The following INTS8 variants were observed in gnomAD, a reference collection of about 807,000 sequenced individuals.
INTS8 encodes integrator complex subunit 8, also known as protein kaonashi-1.
Under a neutral mutation model 138.9 loss-of-function variants are expected in INTS8, and 47 were observed. The ratio of observed to expected loss-of-function variants is 0.34; its 90% CI spans 0.27 to 0.43. INTS8 has a LOEUF of 0.43. Ranked by LOEUF, INTS8 falls within the 20% of genes least tolerant of loss-of-function variation. The pLI is 1.00. For missense variants in INTS8, 996 were observed against 1,173.0 expected, an observed-to-expected ratio of 0.85 and a Z score of 2.20; for synonymous variants, 392 against 400.9, an observed-to-expected ratio of 0.98 and a Z score of 0.27.
chr8:94,851,711 A>G, intron 13 of INTS8, 25 bp downstream of exon 13: 2 of 1,547,992 alleles, frequency 1.3e-6, no homozygotes, highest in Non-Finnish European at 8.6e-7. Flanking sequence ...AAGAACAGAT[A>G]AGAAAATTGC....
At position 94,856,867 on chromosome 8, in the gene INTS8, A is replaced by G. The variant is rs1457929190; in HGVS notation, c.1843A>G (p.Met615Val). 3 of 1,614,090 alleles carry G rather than the reference A, an allele frequency of 1.9e-6. No individual in the cohort carries two copies. Among genetic ancestry groups the G allele is most frequent in the African/African-American group, 1.3e-5 (1 of 75,002 alleles). ...PKLRQVMLNE[M>V]LLLDIHTHEA... ...GCTTCGTCAGGTCATGCTGAATGAG[A>G]TGTTGCTTTTGGATATTCATACACA... The change falls in exon 15 of 27, where the codon ATG becomes GTG. Residue 615 changes from methionine to valine, a missense_variant. Met to Val is a conservative substitution (Grantham distance 21, BLOSUM62 1). Coordinates refer to ENST00000523731, the MANE Select transcript of INTS8 (RefSeq NM_017864.4).
chr8:94,874,479 A>G, intron 22 of INTS8, 73 bp from the exon 23 acceptor site: 3 of 826,942 alleles, frequency 3.6e-6, no homozygotes, highest in Non-Finnish European at 6.3e-6. Context: ...TTGACATCCC[A>G]TACCAGAGTG....
chr8:94,826,531 T>C (rs1345647802), intron 2 of INTS8, among the ~76,000 whole-genome samples: 1 of 152,190 alleles, frequency 6.6e-6, no homozygotes, highest in East Asian at 1.9e-4. Context: ...GTATGACATA[T>C]ATGAGGCAGC....
chr8:94,871,990 G>C lies in INTS8; in HGVS notation c.2521G>C (p.Asp841His). The C allele has an allele frequency of 6.6e-7, 1 of 1,520,998 alleles. No individual in the cohort carries two copies. The highest frequency in any genetic ancestry group is 9.1e-7 in the Non-Finnish European group (1 of 1,099,950). 94.2% of individuals were successfully genotyped at this position (1,520,998 alleles called of 1,614,324 possible). ...CCATTCTTGGTTAATTATCCAGGCA[G>C]ATATTTACTTTGGTAAGTGAGATGT... ...NNHSWLIIQA[D>H]IYFATNQYSA... The change falls in exon 21 of 27, where the codon GAT (aspartate) becomes CAT (histidine). Residue 841 changes from aspartate to histidine, a missense_variant. Physicochemically the swap from Asp to His is moderately conservative, Grantham distance 81. Transcript: ENST00000523731.
At chr8:94,871,004 A>G (rs7844932) in intron 20 of INTS8, among the ~76,000 whole-genome samples, 36,162 of 151,808 alleles carry the variant, frequency 0.24, 4,325 homozygotes, top group Middle Eastern at 0.29. Flanking sequence ...ATGCACTGAT[A>G]TGATATACTT....
Position 94,880,609 on chromosome 8 carries a change from G to A in INTS8, c.*375G>A. ...TTAATAAATAGATTTCTAGGAGTCA[G>A]TATATATTTAATACTCTTCTTCCTT... On this transcript the variant is annotated 3_prime_UTR_variant, in exon 27 of 27. Coordinates refer to ENST00000523731, the MANE Select transcript of INTS8 (RefSeq NM_017864.4). The A allele has an allele frequency of 2.8e-6, 1 of 360,198 alleles. No homozygotes were observed. 22.3% of individuals were successfully genotyped at this position (360,198 alleles called of 1,614,324 possible).
intron 3 of INTS8, 91 bp from the exon 4 acceptor site, chr8:94,827,631 A>G (rs1197230907): frequency 8.8e-6 from 10 of 1,142,228 alleles, no homozygotes; most frequent in Middle Eastern, 4.0e-4. Flanking sequence ...AATGCTTCAT[A>G]TAATTTATAC....
At chr8:94,869,432 T>C (rs899518675) in intron 20 of INTS8, among the ~76,000 whole-genome samples, 3 of 152,086 alleles carry the variant, frequency 2.0e-5, no homozygotes, top group Admixed American at 6.5e-5. Flanking sequence ...GTTTGAGCAA[T>C]TACTACAGGC....
At position 94,836,568 on chromosome 8, in the gene INTS8, A is replaced by G; in HGVS notation, c.798A>G (p.Thr266=). 6.2e-7 allele frequency: 1 copy of G among 1,614,140 alleles called. No individual in the cohort carries two copies. The highest frequency in any genetic ancestry group is 1.7e-5 in the Admixed American group (1 of 60,016). ...LGAAYFQQGS[T]NSAVYENARE... ...CAGCATACTTCCAGCAAGGCTCCAC[A>G]AATTCAGCTGTCTATGAAAATGCCA... The change falls in exon 7 of 27, where the codon ACA becomes ACG. Residue 266 remains threonine, a synonymous_variant. Coordinates refer to ENST00000523731, the MANE Select transcript of INTS8 (RefSeq NM_017864.4).
At chr8:94,833,854 C>T (rs1424823419) in intron 6 of INTS8, among the ~76,000 whole-genome samples, 1 of 152,158 alleles carries the variant, frequency 6.6e-6, no homozygotes, top group Non-Finnish European at 1.5e-5. Flanking sequence ...TCACCACAAC[C>T]TCCGCCTCCC....
chr8:94,823,763 T>A (rs907225122), intron 1 of INTS8, among the ~76,000 whole-genome samples: 1 of 152,222 alleles, frequency 6.6e-6, no homozygotes, highest in Non-Finnish European at 1.5e-5. Flanking sequence ...AAGGCTCTCC[T>A]ACCCCCGGAG....
chr8:94,871,994 T>C lies in INTS8; in HGVS notation c.2525T>C (p.Ile842Thr), dbSNP rs749677207. ...TCTTGGTTAATTATCCAGGCAGATA[T>C]TTACTTTGGTAAGTGAGATGTTTAG... ...NHSWLIIQAD[I>T]YFATNQYSAA... The change falls in exon 21 of 27, where the codon ATT becomes ACT. Residue 842 changes from isoleucine to threonine, a missense_variant. Transcript: ENST00000523731. 8 of 1,494,918 alleles carry C rather than the reference T, an allele frequency of 5.4e-6. No individual in the cohort carries two copies. The highest frequency in any genetic ancestry group is 1.7e-4 in the Middle Eastern group (1 of 5,820). The allele number at this position is 1,494,918 out of a possible 1,614,324, so 92.6% of individuals were successfully genotyped here. A position where few individuals can be genotyped will look rare whatever the true frequency, so the allele number is the denominator to read the frequency against.
chr8:94,878,506 G>A (rs28399592), intron 26 of INTS8, among the ~76,000 whole-genome samples: 5,515 of 152,164 alleles, frequency 0.036, 107 homozygotes, highest in African/African-American at 0.044. Flanking sequence ...TGTTAAGCCC[G>A]CTATGCAGCC....
intron 18 of INTS8, chr8:94,866,939 T>G: frequency 2.0e-6 from 1 of 494,172 alleles, no homozygotes; most frequent in South Asian, 4.1e-5. Context: ...TTTATGTAAA[T>G]TATGTGCTAT....
intron 17 of INTS8, 134 bp downstream of exon 17, chr8:94,865,824 C>T (rs189162140): frequency 9.8e-5 from 83 of 846,864 alleles, no homozygotes; most frequent in East Asian, 7.4e-4. Flanking sequence ...GACAATCTTA[C>T]GAGTTCTGTA....
At position 94,881,507 on chromosome 8, in the gene INTS8, GT is replaced by G. The variant is rs1299017937; in HGVS notation, c.*1274del. 4 of 824,936 alleles carry G rather than the reference GT, an allele frequency of 4.8e-6. No homozygotes were observed. The East Asian group carries it at 1.0e-4, about 21-fold the overall frequency. 51.1% of individuals were successfully genotyped at this position (824,936 alleles called of 1,614,324 possible). Reference sequence around the variant, plus strand: ...TGTAAGTTTTAAAATCAGAATGGCAGTGTAACTTGTGAATTGGCTAGGGCAA... The same window carrying G: ...TGTAAGTTTTAAAATCAGAATGGCAGGTAACTTGTGAATTGGCTAGGGCAA... On this transcript the variant is annotated 3_prime_UTR_variant, in exon 27 of 27. Transcript: ENST00000523731.
chr8:94,863,039 T>G (rs919588000), intron 16 of INTS8, among the ~76,000 whole-genome samples: 1 of 152,226 alleles, frequency 6.6e-6, no homozygotes, highest in Non-Finnish European at 1.5e-5. Context: ...GTCACTAAAA[T>G]ATACCCTTTT....
In INTS8 at chr8:94,853,890, A is replaced by G. The variant is rs1279713040; in HGVS notation, c.1727A>G (p.Lys576Arg). Residue 576 changes from lysine (K) to arginine (R), a missense_variant, in exon 14 of 27, where the codon AAA (lysine) becomes AGA (arginine). By Grantham distance (26) the Lys-to-Arg change is conservative. Coordinates refer to ENST00000523731, the MANE Select transcript of INTS8 (RefSeq NM_017864.4). ...TRDLVYILMA[K>R]GLHCSTVKDF... ...GATTTGGTTTATATTCTTATGGCCAAAGGTTTGCACTGCAGTACTGTTAAG... is the reference window on the plus strand; with the variant it reads ...GATTTGGTTTATATTCTTATGGCCAGAGGTTTGCACTGCAGTACTGTTAAG... The G allele has an allele frequency of 6.9e-6, 11 of 1,604,152 alleles. No homozygotes were observed. Among genetic ancestry groups the G allele is most frequent in the African/African-American group, 1.3e-5 (1 of 74,686 alleles).
chr8:94,857,073 T>A, intron 15 of INTS8, 95 bp downstream of exon 15: 12 of 411,746 alleles, frequency 2.9e-5, no homozygotes, highest in East Asian at 1.4e-4. Flanking sequence ...TTTGTAATCT[T>A]TTTTTTTTTT....
Sources: gnomAD v4.1 joint callset for allele counts (sites outside exome capture counted in the v4.1 genomes callset) on GRCh38, gnomAD v4.1.1 for gene constraint, MANE v1.5 for transcripts, NCBI Gene and HGNC (gene_info 2026-07-23, HGNC 2026-07-21) for gene names.